The following NEGR1 variants were observed in gnomAD, a reference collection of about 807,000 sequenced individuals.
The protein encoded by NEGR1 is IgLON family member 4.
A neutral mutation model predicts 40.9 loss-of-function variants in NEGR1; 10 were observed. That is an observed-to-expected ratio of 0.24 (90% CI 0.15 to 0.42). The LOEUF (loss-of-function observed/expected upper bound fraction) is 0.42, where lower values mean the gene tolerates loss of function less well. Ranked by LOEUF, NEGR1 falls within the 10% of genes least tolerant of loss-of-function variation. The probability of loss-of-function intolerance (pLI) is 1.00; values close to 1 mark genes in which losing one functional copy is unlikely to be tolerated. For missense variants in NEGR1, 352 were observed against 438.9 expected, an observed-to-expected ratio of 0.80 and a Z score of 1.77; for synonymous variants, 185 against 166.8, an observed-to-expected ratio of 1.11 and a Z score of -0.84.
At chr1:71,408,864 T>A (rs986886317) in intron 6 of NEGR1, 1 of 151,956 alleles carries the variant, frequency 6.6e-6, no homozygotes, top group Admixed American at 6.6e-5. Flanking sequence ...AGCAGATAGT[T>A]TTAATGAAAT....
intron 6 of NEGR1, among the ~76,000 whole-genome samples, chr1:71,449,988 A>G (rs1249199677): frequency 6.9e-6 from 1 of 145,720 alleles, no homozygotes; most frequent in Non-Finnish European, 1.5e-5. Context: ...GGAATTTTAT[A>G]TAGATTTTTT....
At chr1:72,016,417 C>T (rs1646710899) in intron 1 of NEGR1, among the ~76,000 whole-genome samples, 1 of 152,108 alleles carries the variant, frequency 6.6e-6, no homozygotes, top group Admixed American at 6.6e-5. Context: ...CAAACTGAGG[C>T]ATGTGTGCCT....
chr1:71,871,659 A>G (rs917561798), intron 2 of NEGR1, among the ~76,000 whole-genome samples: 1 of 152,208 alleles, frequency 6.6e-6, no homozygotes, highest in Non-Finnish European at 1.5e-5. Flanking sequence ...TGCACTAGAC[A>G]AATTGATTCT....
intron 2 of NEGR1, among the ~76,000 whole-genome samples, chr1:71,837,961 C>T (rs1374051763): frequency 6.6e-6 from 1 of 152,010 alleles, no homozygotes; most frequent in African/African-American, 2.4e-5. Context: ...AATGCCAGAT[C>T]TAAGACTATT....
rs752281662 is a variant in NEGR1, at chr1:72,096,288, C to A, written c.177-160977G>T. On this transcript the variant is annotated intron_variant, in intron 1 of 6. Transcript: ENST00000357731. ...ATGAAGCCCTTAGAATTTGCATAAA[C>A]CAAAATTTGCGCAGAGAAGATAGTA... 7.1e-4 allele frequency among the ~76,000 whole-genome samples: 108 copies of A among 152,046 alleles called. 1 individual carries two copies. The highest frequency in any genetic ancestry group is 7.4e-4 in the Non-Finnish European group (50 of 67,976).
At chr1:71,794,114 C>G (rs1657229224) in intron 2 of NEGR1, 2 of 152,154 alleles carry the variant, frequency 1.3e-5, no homozygotes, top group African/African-American at 4.8e-5. Context: ...TAATAGATAA[C>G]TTGTCTTTGT....
At chr1:71,620,893 CT>C (rs1650588292) in intron 4 of NEGR1, among the ~76,000 whole-genome samples, 1 of 151,916 alleles carries the variant, frequency 6.6e-6, no homozygotes, top group Non-Finnish European at 1.5e-5. Context: ...CTTAACCCTT[CT>C]AAATCCCAGT....
chr1:71,674,080 G>T (rs1043569822), intron 4 of NEGR1, among the ~76,000 whole-genome samples: 4 of 151,984 alleles, frequency 2.6e-5, no homozygotes, highest in Admixed American at 1.3e-4. Flanking sequence ...TTTGAAAATT[G>T]TATTTATTTC....
chr1:72,029,389 G>A (rs1227045880), intron 1 of NEGR1, among the ~76,000 whole-genome samples: 1 of 152,116 alleles, frequency 6.6e-6, no homozygotes, highest in Non-Finnish European at 1.5e-5. Flanking sequence ...TTTTTATAAT[G>A]ATCAAGGTAT....
At chr1:72,075,760 G>C (rs1173442988) in intron 1 of NEGR1, among the ~76,000 whole-genome samples, 1 of 152,192 alleles carries the variant, frequency 6.6e-6, no homozygotes, top group Non-Finnish European at 1.5e-5. Context: ...GCCTGGGTAT[G>C]TTGAATATAG....
chr1:72,201,035 T>C (rs970300118), intron 1 of NEGR1, among the ~76,000 whole-genome samples: 2 of 151,938 alleles, frequency 1.3e-5, no homozygotes, highest in South Asian at 2.1e-4. Context: ...GTATTTGATA[T>C]ATGAATGGGT....
At chr1:71,963,410 T>C (rs181423207) in intron 1 of NEGR1, among the ~76,000 whole-genome samples, 18 of 152,288 alleles carry the variant, frequency 1.2e-4, no homozygotes, top group Non-Finnish European at 5.9e-5. Flanking sequence ...GGAGGTTGGT[T>C]GGTCTTTTCC....
chr1:71,499,235 C>CCAGTTTTT (rs1371085741), intron 6 of NEGR1, among the ~76,000 whole-genome samples: 2 of 151,714 alleles, frequency 1.3e-5, no homozygotes, highest in Non-Finnish European at 2.9e-5. Flanking sequence ...TATGTATAAG[C>CCAGTTTTT]CAGTTTTTAT....
At chr1:71,550,804 GATTTAAGGA>G (rs763528152) in intron 6 of NEGR1, among the ~76,000 whole-genome samples, 8 of 151,560 alleles carry the variant, frequency 5.3e-5, no homozygotes, top group Non-Finnish European at 1.2e-4. Context: ...TGTAGGAAAG[GATTTAAGGA>G]ATTTAGTTTC....
chr1:71,551,971 C>T lies in NEGR1; in HGVS notation c.940+40846G>A, dbSNP rs547839461. On this transcript the variant is annotated intron_variant, in intron 6 of 6. Coordinates refer to ENST00000357731, the MANE Select transcript of NEGR1 (RefSeq NM_173808.3). ...TTTTCTTCTTCTTCTTTTTAGAATA[C>T]GCTATATATTGACAAAGACTCTTTC... 4.9e-4 allele frequency among the ~76,000 whole-genome samples: 74 copies of T among 151,344 alleles called. No individual in the cohort carries two copies. In the Middle Eastern group the frequency reaches 0.01, roughly 21 times the overall value.
intron 1 of NEGR1, among the ~76,000 whole-genome samples, chr1:72,212,079 C>T (rs1304418988): frequency 6.6e-6 from 1 of 151,910 alleles, no homozygotes; most frequent in Non-Finnish European, 1.5e-5. Flanking sequence ...TGTTCTGATT[C>T]CTGCCAATCA....
At chr1:71,571,303 A>C (rs1369563383) in intron 6 of NEGR1, among the ~76,000 whole-genome samples, 1 of 152,194 alleles carries the variant, frequency 6.6e-6, no homozygotes, top group East Asian at 1.9e-4. Flanking sequence ...ACATTATTTA[A>C]TCACTACAGG....
rs544876364 is a variant in NEGR1 at position 72,091,640 on chromosome 1, G to A, written c.177-156329C>T. Among the ~76,000 whole-genome samples the A allele has an allele frequency of 7.2e-5, 11 of 152,106 alleles. 2 individuals are homozygous for A. In the South Asian group the frequency reaches 2.1e-3, roughly 29 times the overall value. ...AGAGTAGGGAGAACTGATTTTGCTT[G>A]GATGGAGGGTGGAAAGGACTCCAGA... On this transcript the variant is annotated intron_variant, in intron 1 of 6. Coordinates refer to ENST00000357731, the MANE Select transcript of NEGR1 (RefSeq NM_173808.3).
chr1:71,452,548 A>T (rs1013033327), intron 6 of NEGR1, among the ~76,000 whole-genome samples: 1 of 152,210 alleles, frequency 6.6e-6, no homozygotes. Flanking sequence ...TTGAGTAATC[A>T]TTAAATCCAT....
Sources: allele counts gnomAD v4.1 joint callset (sites outside exome capture counted in the v4.1 genomes callset), GRCh38; gene constraint gnomAD v4.1.1; transcripts MANE v1.5; gene names NCBI Gene and HGNC (gene_info 2026-07-23, HGNC 2026-07-21).